TBC1D1: variants seen among roughly 807,000 people sequenced by gnomAD.
The protein encoded by TBC1D1 is TBC1 domain family member 1.
A neutral mutation model predicts 125.6 loss-of-function variants in TBC1D1; 89 were observed. The ratio of observed to expected loss-of-function variants is 0.71; its 90% confidence interval spans 0.60 to 0.85. The LOEUF is 0.85. TBC1D1 is among the 40% of genes least tolerant of loss of function. TBC1D1 has a pLI of 0.00. For synonymous variants in TBC1D1, 565 were observed against 564.1 expected, an observed-to-expected ratio of 1.00 and a Z score of -0.02; for missense variants, 1,377 against 1,469.2, an observed-to-expected ratio of 0.94 and a Z score of 1.03.
At chr4:38,025,857 C>T (rs1744977164) in intron 6 of TBC1D1, among the ~76,000 whole-genome samples, 1 of 152,196 alleles carries the variant, frequency 6.6e-6, no homozygotes, top group Non-Finnish European at 1.5e-5. Flanking sequence ...AGAGTGACTG[C>T]ATTGCACTTT....
At chr4:37,928,346 A>T (rs1235820967) in intron 2 of TBC1D1, among the ~76,000 whole-genome samples, 4 of 152,186 alleles carry the variant, frequency 2.6e-5, no homozygotes, top group African/African-American at 9.6e-5. Flanking sequence ...GCAAATATTG[A>T]TGTTGTTTTG....
At position 38,137,243 on chromosome 4, in the gene TBC1D1, C is replaced by T. The variant is rs1328514971; in HGVS notation, c.3415C>T (p.Leu1139=). ...TACCTTAGAACTGGAGCGGTCGGCC[C>T]TGCTGCAGACGGTGGAGGAGCTGCG... The change falls in exon 20 of 20, where the codon CTG becomes TTG. Residue 1139 remains leucine, a synonymous_variant. Coordinates refer to ENST00000261439, the MANE Select transcript of TBC1D1 (RefSeq NM_015173.4). 2 of 1,612,302 alleles carry T rather than the reference C, an allele frequency of 1.2e-6. No homozygotes were observed. Among genetic ancestry groups the T allele is most frequent in the Non-Finnish European group, 1.7e-6 (2 of 1,180,016 alleles).
intron 2 of TBC1D1, among the ~76,000 whole-genome samples, chr4:37,937,555 T>C (rs1465163834): frequency 6.6e-6 from 1 of 152,228 alleles, no homozygotes; most frequent in African/African-American, 2.4e-5. Flanking sequence ...AGTTTATATG[T>C]AAATTACAAG....
Position 37,977,387 on chromosome 4 carries a change from C to T in TBC1D1, c.418-37122C>T. The stretch of plus-strand genomic sequence containing the variant: ...CCGCCGCCGCCGCCGCCGGGGAGAG[C>T]GATGCCCCGGCCCCGCCGCTCCCCA... On this transcript the variant is annotated intron_variant, in intron 2 of 19. Transcript: ENST00000261439. This position sits in a 1 kb window ranked among gnomAD's most constrained non-coding sequence, Gnocchi z 4.3. 2.1e-6 allele frequency: 1 copy of T among 468,442 alleles called. No individual in the cohort carries two copies. Among genetic ancestry groups the T allele is most frequent in the Non-Finnish European group, 2.8e-6 (1 of 358,902 alleles). 29.0% of individuals were successfully genotyped at this position (468,442 alleles called of 1,614,324 possible).
intron 2 of TBC1D1, among the ~76,000 whole-genome samples, chr4:37,991,428 T>C (rs567281284): frequency 6.6e-6 from 1 of 152,272 alleles, no homozygotes; most frequent in East Asian, 1.9e-4. Flanking sequence ...ATGGAGGCAG[T>C]GGAGCCCAGC....
chr4:38,021,856 G>T (rs1265428306), intron 6 of TBC1D1, 138 bp downstream of exon 6: 12 of 984,650 alleles, frequency 1.2e-5, no homozygotes, highest in Non-Finnish European at 1.6e-5. Context: ...TGGACTCTCA[G>T]TGTGCAGTGG....
chr4:38,096,420 A>T (rs1759355900), intron 14 of TBC1D1, among the ~76,000 whole-genome samples: 1 of 152,206 alleles, frequency 6.6e-6, no homozygotes, highest in East Asian at 1.9e-4. Flanking sequence ...GTCTCTGGGT[A>T]CTCTAGGGAG....
At chr4:37,956,049 AAAC>A (rs1728874933) in intron 2 of TBC1D1, among the ~76,000 whole-genome samples, 1 of 145,378 alleles carries the variant, frequency 6.9e-6, no homozygotes, top group South Asian at 2.2e-4. Flanking sequence ...TTTTTTTTTG[AAAC>A]AACGTCTCTG....
At chr4:38,132,253 AG>A (rs1178176410) in intron 18 of TBC1D1, among the ~76,000 whole-genome samples, 2 of 151,226 alleles carry the variant, frequency 1.3e-5, no homozygotes, top group African/African-American at 4.9e-5. Context: ...GATAAACGTT[AG>A]GGCTTCACTG....
chr4:38,023,258 AAGG>A (rs1744424713), intron 6 of TBC1D1, among the ~76,000 whole-genome samples: 1 of 149,584 alleles, frequency 6.7e-6, no homozygotes, highest in African/African-American at 2.5e-5. Flanking sequence ...AAAAAAAAAA[AAGG>A]AATATTTATT....
intron 2 of TBC1D1, among the ~76,000 whole-genome samples, chr4:37,911,546 C>T (rs978081672): frequency 1.3e-5 from 2 of 152,174 alleles, no homozygotes; most frequent in Non-Finnish European, 2.9e-5. Flanking sequence ...GATTTGGTGG[C>T]TGCCCATCCT....
chr4:38,023,782 G>C (rs566333228), intron 6 of TBC1D1, among the ~76,000 whole-genome samples: 1 of 152,124 alleles, frequency 6.6e-6, no homozygotes, highest in Non-Finnish European at 1.5e-5. Flanking sequence ...GAATGCTGAC[G>C]TGCAAATATC....
chr4:38,109,378 C>T (rs1317709167), intron 15 of TBC1D1, among the ~76,000 whole-genome samples: 1 of 152,154 alleles, frequency 6.6e-6, no homozygotes, highest in African/African-American at 2.4e-5. Context: ...AACTAAATGT[C>T]GTTGATAAAA....
intron 12 of TBC1D1, among the ~76,000 whole-genome samples, chr4:38,061,554 CT>C (rs1752772875): frequency 6.6e-6 from 1 of 152,074 alleles, no homozygotes. Context: ...AGCTTTCAGA[CT>C]TTATATGTCT....
intron 19 of TBC1D1, among the ~76,000 whole-genome samples, chr4:38,133,687 A>C (rs1461173291): frequency 1.3e-5 from 2 of 152,232 alleles, no homozygotes; most frequent in Non-Finnish European, 2.9e-5. Context: ...AACAAACCAG[A>C]AGAGATGATA....
chr4:38,012,178 G>T (rs772052995), intron 2 of TBC1D1, among the ~76,000 whole-genome samples: 4 of 152,218 alleles, frequency 2.6e-5, no homozygotes, highest in Non-Finnish European at 5.9e-5. Flanking sequence ...CAAGGTTCTT[G>T]TATAAATTGA....
chr4:37,943,674 T>C (rs1038066124), intron 2 of TBC1D1, among the ~76,000 whole-genome samples: 4 of 152,250 alleles, frequency 2.6e-5, no homozygotes, highest in Non-Finnish European at 5.9e-5. Flanking sequence ...ATGCCATAGT[T>C]TTCAGCTCCA....
At chr4:38,114,176 C>A (rs996276630) in intron 15 of TBC1D1, among the ~76,000 whole-genome samples, 1 of 152,120 alleles carries the variant, frequency 6.6e-6, no homozygotes, top group Non-Finnish European at 1.5e-5. Context: ...GGTGAGTGCA[C>A]GGAGCTCCAG....
At chr4:38,111,677 G>C (rs1578769793) in intron 15 of TBC1D1, among the ~76,000 whole-genome samples, 1 of 152,288 alleles carries the variant, frequency 6.6e-6, no homozygotes, top group Non-Finnish European at 1.5e-5. Context: ...ATCTATAGTA[G>C]GAAAAGCAGG....
Sources: allele counts gnomAD v4.1 joint callset (sites outside exome capture counted in the v4.1 genomes callset), GRCh38; gene constraint gnomAD v4.1.1; non-coding constraint Gnocchi (gnomAD v3.1); transcripts MANE v1.5; gene names NCBI Gene and HGNC (gene_info 2026-07-23, HGNC 2026-07-21).